Variants in NPAS3 observed in about 807,000 individuals in gnomAD.
The protein encoded by NPAS3 is neuronal PAS domain-containing protein 3.
A neutral mutation model predicts 73.1 loss-of-function variants in NPAS3; 14 were observed. The observed-to-expected ratio is 0.19, with a 90% confidence interval of 0.13 to 0.30. The LOEUF is 0.30. Ranked by LOEUF, NPAS3 falls within the 10% of genes least tolerant of loss-of-function variation. The probability of loss-of-function intolerance (pLI) is 1.00; values close to 1 mark genes in which losing one functional copy is unlikely to be tolerated. For synonymous variants in NPAS3, 620 were observed against 541.5 expected, an observed-to-expected ratio of 1.14 and a Z score of -2.01; for missense variants, 1,096 against 1,250.0, an observed-to-expected ratio of 0.88 and a Z score of 1.86.
chr14:33,113,746 A>C (rs1018292364), intron 2 of NPAS3, among the ~76,000 whole-genome samples: 1 of 152,192 alleles, frequency 6.6e-6, no homozygotes, highest in African/African-American at 2.4e-5. Flanking sequence ...GTCTTGTGCC[A>C]GCTTTCAAAG....
intron 1 of NPAS3, among the ~76,000 whole-genome samples, chr14:33,004,352 G>A (rs980628545): frequency 6.6e-6 from 1 of 152,184 alleles, no homozygotes; most frequent in Non-Finnish European, 1.5e-5. Context: ...ACACTGTACA[G>A]CATGTTATTG....
chr14:33,354,305 T>G (rs150837141), intron 3 of NPAS3, among the ~76,000 whole-genome samples: 1 of 152,274 alleles, frequency 6.6e-6, no homozygotes, highest in African/African-American at 2.4e-5. Context: ...CCGACTGCAG[T>G]GCCCCTGCCC....
chr14:33,344,027 G>C (rs2044615683), intron 3 of NPAS3, among the ~76,000 whole-genome samples: 1 of 152,212 alleles, frequency 6.6e-6, no homozygotes, highest in African/African-American at 2.4e-5. Context: ...TTTACGTGTT[G>C]TGACGCAGAA....
chr14:33,266,580 TTACTA>T (rs2040827178), intron 3 of NPAS3, among the ~76,000 whole-genome samples: 1 of 152,172 alleles, frequency 6.6e-6, no homozygotes, highest in Non-Finnish European at 1.5e-5. Flanking sequence ...ATCTGATACT[TTACTA>T]TATTCCTTAT....
Position 33,363,815 on chromosome 14 carries a change from G to T in NPAS3, c.386-3371G>T, listed in dbSNP as rs187829685. On this transcript the variant is annotated intron_variant, in intron 3 of 11. Coordinates refer to ENST00000356141, the Ensembl canonical transcript of NPAS3. ...TGGGCTTTCTTTTTTATACTAGTTT[G>T]TATAAACTGTTCAACTCCTATAGCT... Among the ~76,000 whole-genome samples, 5 of 152,042 alleles carry T rather than the reference G, an allele frequency of 3.3e-5. No individual in the cohort carries two copies. In the East Asian group the frequency reaches 9.7e-4, roughly 29 times the overall value.
At chr14:33,500,810 A>T (rs2052474888) in intron 4 of NPAS3, among the ~76,000 whole-genome samples, 1 of 151,874 alleles carries the variant, frequency 6.6e-6, no homozygotes. Flanking sequence ...TTTAAGTGCA[A>T]TCCAAACTAG....
At chr14:33,593,306 G>A (rs2057132931) in intron 5 of NPAS3, among the ~76,000 whole-genome samples, 1 of 152,168 alleles carries the variant, frequency 6.6e-6, no homozygotes, top group African/African-American at 2.4e-5. Flanking sequence ...GAGCAGTGAT[G>A]TTGAGCTCCA....
intron 6 of NPAS3, among the ~76,000 whole-genome samples, chr14:33,677,306 C>T (rs1449019127): frequency 6.6e-6 from 1 of 152,094 alleles, no homozygotes; most frequent in Non-Finnish European, 1.5e-5. Context: ...TGGTGGAGTG[C>T]TTGGCCAAGC....
At chr14:33,301,322 A>ATATATATATATATATATAT (rs557118171) in intron 3 of NPAS3, among the ~76,000 whole-genome samples, 2 of 99,688 alleles carry the variant, frequency 2.0e-5, no homozygotes, top group African/African-American at 8.6e-5. Context: ...ATATATATAT[A>ATATATATATATATATATAT]TTTTTTTTTT....
At chr14:33,239,146 G>A (rs1262568257) in intron 3 of NPAS3, among the ~76,000 whole-genome samples, 2 of 151,906 alleles carry the variant, frequency 1.3e-5, no homozygotes, top group African/African-American at 4.8e-5. Context: ...GGGGGTCTGA[G>A]GGGAGAGGAG....
chr14:33,751,930 T>A (rs544928968), intron 7 of NPAS3, among the ~76,000 whole-genome samples: 157 of 152,302 alleles, frequency 1.0e-3, no homozygotes, highest in South Asian at 2.1e-3. Flanking sequence ...TTCATAACCA[T>A]GCAAATATTC....
intron 1 of NPAS3, among the ~76,000 whole-genome samples, chr14:33,006,322 A>G (rs533477440): frequency 2.9e-4 from 44 of 152,270 alleles, no homozygotes; most frequent in African/African-American, 9.9e-4. Flanking sequence ...TAATAACACT[A>G]GGACAACCTG....
rs1198850048 is a variant in NPAS3, at chr14:33,800,251, C to G, written c.1944C>G (p.Ile648Met). 1 of 1,613,204 alleles carries G rather than the reference C, an allele frequency of 6.2e-7. No individual in the cohort carries two copies. Among genetic ancestry groups the G allele is most frequent in the Non-Finnish European group, 8.5e-7 (1 of 1,179,676 alleles). The change falls in exon 12 of 12, where the codon ATC (isoleucine) becomes ATG (methionine). Residue 648 changes from isoleucine (I) to methionine (M), a missense_variant. Ile to Met is a conservative substitution (Grantham distance 10). Around this residue, in one of 5 missense-constraint regions of NPAS3, gnomAD observed 698 missense variants for 676.7 expected, o/e 1.03. Transcript: ENST00000356141. This position sits in a 1 kb window ranked among gnomAD's most constrained non-coding sequence, Gnocchi z 6.5. Reference sequence around the variant, plus strand: ...CCAACAGTGCCTCGGTGCTCAAGATCAAGACGGAGATCTCAGAACCCATCA... The same window carrying G: ...CCAACAGTGCCTCGGTGCTCAAGATGAAGACGGAGATCTCAGAACCCATCA...
chr14:33,276,605 T>TC (rs749903425), intron 3 of NPAS3, among the ~76,000 whole-genome samples: 16 of 152,128 alleles, frequency 1.1e-4, no homozygotes, highest in Non-Finnish European at 1.6e-4. Context: ...ATAAGTTACT[T>TC]CTTTTTTTTT....
chr14:33,135,709 A>C (rs2043805573), intron 2 of NPAS3, among the ~76,000 whole-genome samples: 1 of 152,182 alleles, frequency 6.6e-6, no homozygotes, highest in Non-Finnish European at 1.5e-5. Flanking sequence ...ACTCTTTTGG[A>C]TTTCTGAAGA....
At chr14:33,480,959 A>AAGGG (rs2139708591) in intron 4 of NPAS3, among the ~76,000 whole-genome samples, 1 of 152,052 alleles carries the variant, frequency 6.6e-6, no homozygotes, top group East Asian at 1.9e-4. Context: ...GGAGAGAGAG[A>AAGGG]AGGGAGAGTA....
intron 5 of NPAS3, among the ~76,000 whole-genome samples, chr14:33,607,823 C>G (rs73272915): frequency 1.7e-3 from 263 of 152,254 alleles, no homozygotes; most frequent in African/African-American, 5.8e-3. Flanking sequence ...AACTCAGAAT[C>G]ATGGCGGAAG....
At chr14:33,658,999 A>C (rs2059230680) in intron 5 of NPAS3, among the ~76,000 whole-genome samples, 2 of 152,024 alleles carry the variant, frequency 1.3e-5, no homozygotes, top group Admixed American at 6.5e-5. Flanking sequence ...TAATTAGCAA[A>C]CCCTTCTGAA....
At position 33,123,072 on chromosome 14, in the gene NPAS3, C is replaced by A. The variant is rs560201900; in HGVS notation, c.140+67078C>A. Among the ~76,000 whole-genome samples the A allele has an allele frequency of 8.1e-4, 122 of 151,354 alleles. 1 individual carries two copies. Among genetic ancestry groups the A allele is most frequent in the Non-Finnish European group, 1.5e-3 (99 of 67,840 alleles). The stretch of plus-strand genomic sequence containing the variant: ...CATTGCTGCACACAACAAAGATATA[C>A]CTTTTAAACAACATTTTATTTTATT... On this transcript the variant is annotated intron_variant, in intron 2 of 11. Transcript: ENST00000356141.
Sources: allele counts gnomAD v4.1 joint callset (sites outside exome capture counted in the v4.1 genomes callset), GRCh38; gene constraint gnomAD v4.1.1; regional missense constraint gnomAD v4.1.1; non-coding constraint Gnocchi (gnomAD v3.1); transcripts MANE v1.5; gene names NCBI Gene and HGNC (gene_info 2026-07-23, HGNC 2026-07-21).